KANK1: variants seen among roughly 807,000 people sequenced by gnomAD.
KANK1 encodes the protein KN motif and ankyrin repeat domains 1.
A neutral mutation model predicts 106.2 loss-of-function variants in KANK1; 109 were observed. That is an observed-to-expected ratio of 1.03 (90% CI 0.88 to 1.20). The LOEUF is 1.20. Among genes scored for constraint, KANK1 ranks in the 50% most tolerant of loss-of-function variants. The probability of loss-of-function intolerance (pLI) is 0.00; values close to 1 mark genes in which losing one functional copy is unlikely to be tolerated. For missense variants in KANK1, 2,399 were observed against 1,710.7 expected, an observed-to-expected ratio of 1.40 and a Z score of -7.10; for synonymous variants, 873 against 652.2, an observed-to-expected ratio of 1.34 and a Z score of -5.16.
At chr9:725,228 C>T (rs1830352496) in intron 3 of KANK1, among the ~76,000 whole-genome samples, 1 of 152,140 alleles carries the variant, frequency 6.6e-6, no homozygotes, top group Non-Finnish European at 1.5e-5. Flanking sequence ...AGCTGGCCTT[C>T]AGAATCCTTA....
chr9:696,673 G>A (rs554392152), intron 2 of KANK1, among the ~76,000 whole-genome samples: 3 of 152,250 alleles, frequency 2.0e-5, no homozygotes, highest in Admixed American at 6.5e-5. Flanking sequence ...TTGACATTTC[G>A]TGCCACAGAA....
intron 9 of KANK1, among the ~76,000 whole-genome samples, chr9:741,436 C>T (rs1437817473): frequency 2.0e-5 from 3 of 151,046 alleles, no homozygotes; most frequent in African/African-American, 7.3e-5. Flanking sequence ...GATTCTCCTG[C>T]CTTAGCCTCC....
chr9:622,871 C>T (rs1833480665), intron 1 of KANK1, among the ~76,000 whole-genome samples: 1 of 151,962 alleles, frequency 6.6e-6, no homozygotes, highest in Admixed American at 6.6e-5. Context: ...CATTGCACTC[C>T]AGCCTGGGTG....
At chr9:573,610 A>G (rs951439216) in intron 1 of KANK1, among the ~76,000 whole-genome samples, 2 of 152,076 alleles carry the variant, frequency 1.3e-5, no homozygotes, top group Non-Finnish European at 1.5e-5. Context: ...ATAAGTCGGT[A>G]TCAGTGAGAA....
chr9:569,931 C>G (rs881986), intron 1 of KANK1, among the ~76,000 whole-genome samples: 1 of 151,896 alleles, frequency 6.6e-6, no homozygotes, highest in Non-Finnish European at 1.5e-5. Context: ...ACACTTGATA[C>G]GTTGTAAGGT....
intron 1 of KANK1, among the ~76,000 whole-genome samples, chr9:582,192 C>T (rs1822338167): frequency 6.6e-6 from 1 of 152,094 alleles, no homozygotes; most frequent in Non-Finnish European, 1.5e-5. Flanking sequence ...AACTGCCCTT[C>T]TTCATGGCTA....
At chr9:732,779 A>T (rs10815563) in intron 6 of KANK1, 162 bp downstream of exon 6, 2 of 720,606 alleles carry the variant, frequency 2.8e-6, no homozygotes, top group Non-Finnish European at 4.5e-6. Flanking sequence ...GCAGAGTATT[A>T]CAACTCTTAG....
upstream of KANK1, among the ~76,000 whole-genome samples, chr9:503,688 G>T (rs1051868831): frequency 2.6e-5 from 4 of 152,142 alleles, no homozygotes; most frequent in African/African-American, 9.7e-5. Context: ...ATTGTTTTTT[G>T]AGTAATACCT....
chr9:711,348 C>G lies in KANK1; in HGVS notation c.582C>G (p.Ser194Arg). The G allele has an allele frequency of 6.2e-7, 1 of 1,614,142 alleles. No homozygotes were observed. Among genetic ancestry groups the G allele is most frequent in the Non-Finnish European group, 8.5e-7 (1 of 1,180,028 alleles). Reference protein sequence around the residue: ...LASFGGMGTTSSLPSFVGSGN... With the variant: ...LASFGGMGTTRSLPSFVGSGN... Reference sequence around the variant, plus strand: ...GTTTTGGAGGCATGGGCACCACAAGCTCCCTCCCTTCTTTTGTGGGTTCTG... The same window carrying G: ...GTTTTGGAGGCATGGGCACCACAAGGTCCCTCCCTTCTTTTGTGGGTTCTG... Residue 194 changes from serine (S) to arginine (R), a missense_variant, in exon 3 of 12, where the codon AGC becomes AGG. Coordinates refer to ENST00000382297, the MANE Select transcript of KANK1 (RefSeq NM_015158.5).
intron 1 of KANK1, among the ~76,000 whole-genome samples, chr9:617,028 C>G (rs1832006149): frequency 6.6e-6 from 1 of 152,078 alleles, no homozygotes; most frequent in Admixed American, 6.6e-5. Context: ...AATGCAGTCC[C>G]TTCTCTAGAA....
intron 1 of KANK1, among the ~76,000 whole-genome samples, chr9:504,960 T>TG (rs559305329): frequency 0.02 from 2,950 of 147,370 alleles, 102 homozygotes; most frequent in South Asian, 0.12. Context: ...GGGGCGGTCC[T>TG]GGGGGGGGGT....
intron 1 of KANK1, among the ~76,000 whole-genome samples, chr9:623,051 A>G (rs909232856): frequency 2.1e-4 from 32 of 152,302 alleles, no homozygotes; most frequent in African/African-American, 7.2e-4. Context: ...GCAAAAACAT[A>G]CAAGTGGGAC....
upstream of KANK1, among the ~76,000 whole-genome samples, chr9:501,301 T>G (rs1160466655): frequency 1.3e-5 from 2 of 152,158 alleles, no homozygotes; most frequent in African/African-American, 4.8e-5. Context: ...CACTGACTGG[T>G]TAAAGTGGCC....
In KANK1 at chr9:590,476, AT is replaced by A. The variant is rs978891240; in HGVS notation, c.-84+85723del. ...TTATATTTTATGGTGCTTTAGATAT[AT>A]ATATGTATATTTTTGCTTAGAGACT... On this transcript the variant is annotated intron_variant, in intron 1 of 11. Transcript: ENST00000382297. Among the ~76,000 whole-genome samples, 12 of 152,228 alleles carry A rather than the reference AT, an allele frequency of 7.9e-5. No homozygotes were observed. In the Middle Eastern group the frequency reaches 0.01, roughly 129 times the overall value.
At chr9:716,040 G>A (rs1249328964) in intron 3 of KANK1, among the ~76,000 whole-genome samples, 1 of 152,200 alleles carries the variant, frequency 6.6e-6, no homozygotes, top group African/African-American at 2.4e-5. Context: ...ATATACTGGA[G>A]TATAGAAGGG....
chr9:695,082 C>G (rs192450093), intron 2 of KANK1, among the ~76,000 whole-genome samples: 2 of 152,232 alleles, frequency 1.3e-5, no homozygotes, highest in Non-Finnish European at 2.9e-5. Context: ...GCTCTCTTGC[C>G]CATGGCTCGT....
chr9:510,753 G>C (rs2058994120), intron 1 of KANK1, among the ~76,000 whole-genome samples: 1 of 152,204 alleles, frequency 6.6e-6, no homozygotes, highest in South Asian at 2.1e-4. Context: ...GGAGAAAGCT[G>C]TTTGGTACAT....
chr9:744,233 C>G (rs942708847), intron 10 of KANK1, among the ~76,000 whole-genome samples: 2 of 151,974 alleles, frequency 1.3e-5, no homozygotes, highest in African/African-American at 2.4e-5. Flanking sequence ...TTCTGCTTCC[C>G]CCTCCTGGTG....
chr9:598,194 C>T (rs1826699551), intron 1 of KANK1, among the ~76,000 whole-genome samples: 1 of 151,602 alleles, frequency 6.6e-6, no homozygotes, highest in African/African-American at 2.4e-5. Flanking sequence ...GATTTTATTT[C>T]TGGACTCTTT....
Sources: allele counts gnomAD v4.1 joint callset (sites outside exome capture counted in the v4.1 genomes callset), GRCh38; gene constraint gnomAD v4.1.1; transcripts MANE v1.5; gene names NCBI Gene and HGNC (gene_info 2026-07-23, HGNC 2026-07-21).